USP13: variants seen among roughly 807,000 people sequenced by gnomAD.
The protein encoded by USP13 is ubiquitin specific peptidase 13, also known as ubiquitin carboxyl-terminal hydrolase 13.
USP13 carries 68 observed loss-of-function variants against 107.8 expected under a neutral mutation model. That is an observed-to-expected ratio of 0.63 (90% confidence interval 0.52 to 0.77). USP13 has a LOEUF of 0.77. Among genes scored for constraint, USP13 ranks in the 30% least tolerant of loss-of-function variants. The probability of loss-of-function intolerance (pLI) is 0.00; values close to 1 mark genes in which losing one functional copy is unlikely to be tolerated. For synonymous variants in USP13, 377 were observed against 389.5 expected (o/e 0.97, Z 0.38); for missense variants, 945 against 1,093.3 (o/e 0.86, Z 1.91).
chr3:179,761,269 A>T lies in USP13; in HGVS notation c.2092+14A>T. 1 of 1,614,040 alleles carries T rather than the reference A, an allele frequency of 6.2e-7. No individual in the cohort carries two copies. The highest frequency in any genetic ancestry group is 8.5e-7 in the Non-Finnish European group (1 of 1,179,942). ...TGGAAGAGCCAGGTAGGTGGCGAGA[A>T]AATGGAATGGCTTTGGAGTCTGATG... On this transcript the variant is annotated intron_variant, in intron 17 of 20. Coordinates refer to ENST00000263966, the MANE Select transcript of USP13 (RefSeq NM_003940.3).
intron 19 of USP13, among the ~76,000 whole-genome samples, chr3:179,772,134 T>C (rs895447398): frequency 3.3e-5 from 5 of 152,368 alleles, no homozygotes; most frequent in Non-Finnish European, 5.9e-5. Flanking sequence ...ACATTTTGTA[T>C]TGGAATGGAG....
intron 2 of USP13, 74 bp from the exon 3 acceptor site, chr3:179,690,167 T>G: frequency 1.4e-6 from 2 of 1,422,586 alleles, no homozygotes; most frequent in Non-Finnish European, 2.0e-6. Context: ...TAGGAACCTC[T>G]GAGATGTGCT....
intron 10 of USP13, among the ~76,000 whole-genome samples, chr3:179,733,099 C>T (rs1055298474): frequency 6.6e-6 from 1 of 152,222 alleles, no homozygotes; most frequent in South Asian, 2.1e-4. Context: ...CCAGCTGGCT[C>T]CGGTCCCTTT....
chr3:179,774,617 C>T (rs987544518), intron 19 of USP13, among the ~76,000 whole-genome samples: 1 of 152,182 alleles, frequency 6.6e-6, no homozygotes, highest in Non-Finnish European at 1.5e-5. Flanking sequence ...GCAGTGATTA[C>T]AGCTCATAAA....
At chr3:179,675,662 C>T (rs185776393) in intron 1 of USP13, among the ~76,000 whole-genome samples, 69 of 152,020 alleles carry the variant, frequency 4.5e-4, no homozygotes, top group African/African-American at 1.6e-3. Flanking sequence ...ATTCTCCTGC[C>T]TCAGCCTCCT....
At chr3:179,705,087 G>A (rs558100036) in intron 4 of USP13, among the ~76,000 whole-genome samples, 14 of 152,236 alleles carry the variant, frequency 9.2e-5, no homozygotes, top group Non-Finnish European at 1.8e-4. Context: ...GGTTGGAGTG[G>A]ACATGAGGCC....
chr3:179,655,548 G>GAT (rs1720224569), intron 1 of USP13, among the ~76,000 whole-genome samples: 1 of 131,396 alleles, frequency 7.6e-6, no homozygotes, highest in East Asian at 2.4e-4. Flanking sequence ...TAATGGGAAG[G>GAT]TTTTTTTTGT....
intron 19 of USP13, 148 bp from the exon 20 acceptor site, chr3:179,781,591 G>T (rs894796640): frequency 3.3e-6 from 2 of 605,986 alleles, no homozygotes; most frequent in Non-Finnish European, 2.9e-6. Context: ...GAGTATGTGT[G>T]TGTTGTCAAC....
chr3:179,742,100 A>T lies in USP13; in HGVS notation c.1381-97A>T, dbSNP rs1044455181. 1 of 1,467,818 alleles carries T rather than the reference A, an allele frequency of 6.8e-7. No individual in the cohort carries two copies. The highest frequency in any genetic ancestry group is 1.9e-5 in the Admixed American group (1 of 53,312). 90.9% of individuals were successfully genotyped at this position (1,467,818 alleles called of 1,614,324 possible). A position where few individuals can be genotyped will look rare whatever the true frequency, so the allele number is the denominator to read the frequency against. On this transcript the variant is annotated intron_variant, in intron 11 of 20. Coordinates refer to ENST00000263966, the MANE Select transcript of USP13 (RefSeq NM_003940.3). The surrounding 1 kb of genome is among the most constrained non-coding windows in gnomAD (Gnocchi z 5.0). ...CATGGCCAGAGGAAATGTTTAATAA[A>T]GCCAAGTGTTTACACCGGGTTTAGA...
At chr3:179,702,509 T>G (rs1440957687) in intron 4 of USP13, among the ~76,000 whole-genome samples, 1 of 152,198 alleles carries the variant, frequency 6.6e-6, no homozygotes, top group Non-Finnish European at 1.5e-5. Context: ...CATGACTCTC[T>G]CTGTAGCCAT....
At chr3:179,772,701 C>A (rs552318112) in intron 19 of USP13, among the ~76,000 whole-genome samples, 28 of 152,312 alleles carry the variant, frequency 1.8e-4, no homozygotes, top group African/African-American at 6.0e-4. Context: ...TAAGAGGCAG[C>A]CACTCTTGAG....
chr3:179,656,168 CG>C (rs1380226829), intron 1 of USP13, among the ~76,000 whole-genome samples: 2 of 152,130 alleles, frequency 1.3e-5, no homozygotes, highest in African/African-American at 2.4e-5. Flanking sequence ...GAAGATACAA[CG>C]TGTGAATATT....
At chr3:179,755,994 A>G (rs911616124) in intron 15 of USP13, among the ~76,000 whole-genome samples, 1 of 152,226 alleles carries the variant, frequency 6.6e-6, no homozygotes, top group Non-Finnish European at 1.5e-5. Context: ...GTCACGTAGT[A>G]CAGGTGGTTC....
intron 13 of USP13, 136 bp downstream of exon 13, chr3:179,745,353 A>T: frequency 9.2e-7 from 1 of 1,092,208 alleles, no homozygotes; most frequent in Non-Finnish European, 1.3e-6. Flanking sequence ...ATTATGGTTC[A>T]CACACCCTAA....
chr3:179,761,456 G>A (rs1715010517), intron 17 of USP13, among the ~76,000 whole-genome samples: 1 of 152,082 alleles, frequency 6.6e-6, no homozygotes, highest in South Asian at 2.1e-4. Flanking sequence ...AGGCGTGGGG[G>A]CTCATGCCTG....
chr3:179,724,910 A>G (rs1713458215), intron 8 of USP13, among the ~76,000 whole-genome samples: 1 of 152,182 alleles, frequency 6.6e-6, no homozygotes, highest in South Asian at 2.1e-4. Context: ...AGCAAAGTGA[A>G]CTTTTCTGAC....
chr3:179,715,114 T>C (rs536086748), intron 6 of USP13, among the ~76,000 whole-genome samples: 1 of 152,000 alleles, frequency 6.6e-6, no homozygotes, highest in South Asian at 2.1e-4. Flanking sequence ...ACTCCTGGGC[T>C]CAAGTGATCC....
intron 10 of USP13, among the ~76,000 whole-genome samples, chr3:179,739,607 G>C (rs1251562938): frequency 6.6e-6 from 1 of 152,106 alleles, no homozygotes; most frequent in African/African-American, 2.4e-5. Flanking sequence ...GCCCAGGCTG[G>C]AGTGCAATGG....
intron 19 of USP13, among the ~76,000 whole-genome samples, chr3:179,774,526 C>T (rs549641421): frequency 5.3e-5 from 8 of 151,704 alleles, no homozygotes; most frequent in East Asian, 1.9e-4. Context: ...TGGAGTTGTT[C>T]GTTCCTCCTG....
Sources: allele counts gnomAD v4.1 joint callset (sites outside exome capture counted in the v4.1 genomes callset), GRCh38; gene constraint gnomAD v4.1.1; non-coding constraint Gnocchi (gnomAD v3.1); transcripts MANE v1.5; gene names NCBI Gene and HGNC (gene_info 2026-07-23, HGNC 2026-07-21).